Variants in STARD13 observed in about 807,000 individuals in gnomAD.
STARD13 encodes stAR-related lipid transfer protein 13.
STARD13 carries 62 observed loss-of-function variants against 106.4 expected under a neutral mutation model. That is an observed-to-expected ratio of 0.58 (90% CI 0.48 to 0.72). The LOEUF is 0.72. STARD13 is among the 30% of genes least tolerant of loss of function. The pLI is 0.00. For missense variants in STARD13, 1,387 were observed against 1,424.0 expected (o/e 0.97, Z 0.42); for synonymous variants, 565 against 553.0 (o/e 1.02, Z -0.31).
intron 1 of STARD13, among the ~76,000 whole-genome samples, chr13:33,301,101 C>T (rs192735224): frequency 6.6e-6 from 1 of 152,308 alleles, no homozygotes; most frequent in East Asian, 1.9e-4. Context: ...TGTCTATTCC[C>T]CTAGCTTGTA....
the STARD13 span, among the ~76,000 whole-genome samples, chr13:33,642,629 T>C: frequency 6.6e-6 from 1 of 152,156 alleles, no homozygotes; most frequent in Non-Finnish European, 1.5e-5. Flanking sequence ...GGACTTCAGT[T>C]TCCTGATCTC....
At chr13:33,347,190 A>G (rs1046347071), downstream of STARD13, among the ~76,000 whole-genome samples, 5 of 152,234 alleles carry the variant, frequency 3.3e-5, no homozygotes, top group Non-Finnish European at 7.3e-5. Flanking sequence ...GACTGCATAT[A>G]TGACAGTGGT....
the STARD13 span, among the ~76,000 whole-genome samples, chr13:33,380,452 G>A: frequency 3.3e-4 from 47 of 143,876 alleles, no homozygotes; most frequent in South Asian, 6.8e-4. Flanking sequence ...TACCCCTACC[G>A]TCACACACAC....
the STARD13 span, among the ~76,000 whole-genome samples, chr13:33,541,628 C>G: frequency 6.6e-5 from 10 of 152,278 alleles, no homozygotes; most frequent in Non-Finnish European, 1.0e-4. Flanking sequence ...TTCAAAATAT[C>G]TACTTAAAAG....
At chr13:33,483,256 T>C in the STARD13 span, among the ~76,000 whole-genome samples, 79,048 of 152,058 alleles carry the variant, frequency 0.52, 21,415 homozygotes, top group African/African-American at 0.68. Flanking sequence ...TGGTCCAAAC[T>C]TACAGTGGTA....
the STARD13 span, among the ~76,000 whole-genome samples, chr13:33,430,016 C>T: frequency 7.6e-3 from 1,156 of 151,572 alleles, 28 homozygotes; most frequent in East Asian, 0.075. Flanking sequence ...CTCCCAGGTT[C>T]GCGCCATTCT....
chr13:33,500,093 T>G, the STARD13 span, among the ~76,000 whole-genome samples: 3,601 of 152,172 alleles, frequency 0.024, 134 homozygotes, highest in African/African-American at 0.08. Context: ...ATGAAAGTCC[T>G]ACCCTCAAGA....
At chr13:33,506,105 A>T in the STARD13 span, among the ~76,000 whole-genome samples, 21 of 152,118 alleles carry the variant, frequency 1.4e-4, no homozygotes, top group African/African-American at 5.1e-4. Context: ...TGCAAATTTC[A>T]CTTAAGAAGG....
chr13:33,177,063 A>G (rs1218865313), intron 1 of STARD13, among the ~76,000 whole-genome samples: 2 of 152,212 alleles, frequency 1.3e-5, no homozygotes, highest in African/African-American at 4.8e-5. Flanking sequence ...GTAAAGATAC[A>G]TCTATTTCTA....
chr13:33,316,308 C>T (rs1338607162), intron 1 of STARD13, among the ~76,000 whole-genome samples: 1 of 152,162 alleles, frequency 6.6e-6, no homozygotes, highest in Non-Finnish European at 1.5e-5. Context: ...ACAGAAATGA[C>T]TCCTCCTGTT....
intron 7 of STARD13, among the ~76,000 whole-genome samples, chr13:33,121,702 CTCTG>C (rs1230166652): frequency 7.6e-6 from 1 of 130,786 alleles, no homozygotes; most frequent in Non-Finnish European, 1.6e-5. Context: ...CAGAGTCTCA[CTCTG>C]TCTATCAGGG....
At chr13:33,280,521 C>G (rs1436801217) in intron 1 of STARD13, 2 of 152,128 alleles carry the variant, frequency 1.3e-5, no homozygotes, top group Admixed American at 6.5e-5. Context: ...AGCTGCAATC[C>G]TTGCTATAGG....
intron 1 of STARD13, among the ~76,000 whole-genome samples, chr13:33,295,312 G>T (rs563244851): frequency 1.3e-5 from 2 of 152,212 alleles, no homozygotes; most frequent in African/African-American, 4.8e-5. Context: ...CCCTCTAGAG[G>T]TCTAGATTTA....
chr13:33,349,485 C>T (rs76733878), intron 1 of STARD13, among the ~76,000 whole-genome samples: 4,957 of 152,256 alleles, frequency 0.033, 250 homozygotes, highest in African/African-American at 0.11. Context: ...GCATCCTTGG[C>T]CCTACAGAAA....
intron 1 of STARD13, among the ~76,000 whole-genome samples, chr13:33,207,443 A>T (rs913885539): frequency 1.3e-5 from 2 of 152,092 alleles, no homozygotes; most frequent in Non-Finnish European, 2.9e-5. Flanking sequence ...ACTCTAAGAG[A>T]GGGAGTATAG....
the STARD13 span, among the ~76,000 whole-genome samples, chr13:33,510,345 T>G: frequency 6.6e-6 from 1 of 152,158 alleles, no homozygotes; most frequent in Admixed American, 6.5e-5. Context: ...TTTGAGAATT[T>G]TATAAATAGA....
intron 1 of STARD13, among the ~76,000 whole-genome samples, chr13:33,232,579 C>T (rs564903322): frequency 2.6e-5 from 4 of 152,114 alleles, no homozygotes; most frequent in Non-Finnish European, 5.9e-5. Context: ...TCTCTCATCT[C>T]TTCTCTTCTC....
At chr13:33,112,104 G>A (rs959549472) in intron 9 of STARD13, among the ~76,000 whole-genome samples, 2 of 152,180 alleles carry the variant, frequency 1.3e-5, no homozygotes, top group African/African-American at 4.8e-5. Context: ...GAAAACTAAA[G>A]GGCAGGAAGA....
the STARD13 span, among the ~76,000 whole-genome samples, chr13:33,410,716 G>C: frequency 6.6e-6 from 1 of 152,162 alleles, no homozygotes; most frequent in East Asian, 1.9e-4. Context: ...TCCTCACACA[G>C]TATGGCATAA....
Sources: allele counts gnomAD v4.1 joint callset (sites outside exome capture counted in the v4.1 genomes callset), GRCh38; gene constraint gnomAD v4.1.1; transcripts MANE v1.5; gene names NCBI Gene and HGNC (gene_info 2026-07-23, HGNC 2026-07-21).